Variants in CEP128 observed in about 807,000 individuals in gnomAD.
CEP128 encodes centrosomal protein 128kDa.
A neutral mutation model predicts 156.7 loss-of-function variants in CEP128; 132 were observed. The ratio of observed to expected loss-of-function variants is 0.84; its 90% CI spans 0.73 to 0.97. The LOEUF is 0.97. Ranked by LOEUF, CEP128 falls within the 50% of genes least tolerant of loss-of-function variation. The pLI, the probability that CEP128 is intolerant of heterozygous loss-of-function variation, is 0.00. For synonymous variants in CEP128, 469 were observed against 448.9 expected, an observed-to-expected ratio of 1.04 and a Z score of -0.57; for missense variants, 1,252 against 1,281.9, an observed-to-expected ratio of 0.98 and a Z score of 0.36.
chr14:80,781,042 G>A (rs1341120566), intron 15 of CEP128, among the ~76,000 whole-genome samples: 1 of 152,104 alleles, frequency 6.6e-6, no homozygotes, highest in Non-Finnish European at 1.5e-5. Flanking sequence ...TACAAAATTG[G>A]GCCTTAAAGG....
intron 19 of CEP128, among the ~76,000 whole-genome samples, chr14:80,589,129 C>T (rs1196512444): frequency 6.6e-6 from 1 of 151,952 alleles, no homozygotes; most frequent in Non-Finnish European, 1.5e-5. Flanking sequence ...GAAGCATGAG[C>T]CAAGGGATGA....
At chr14:80,632,265 T>A (rs918916052) in intron 19 of CEP128, among the ~76,000 whole-genome samples, 1 of 151,726 alleles carries the variant, frequency 6.6e-6, no homozygotes, top group South Asian at 2.1e-4. Flanking sequence ...TAGTATTGTA[T>A]ACATAGAATT....
At chr14:80,551,653 C>T (rs759031851) in intron 21 of CEP128, among the ~76,000 whole-genome samples, 41 of 152,256 alleles carry the variant, frequency 2.7e-4, no homozygotes, top group Non-Finnish European at 4.6e-4. Flanking sequence ...AATACTGCTG[C>T]CTTTAATGAT....
chr14:80,756,775 A>G (rs1263285095), intron 18 of CEP128, 117 bp downstream of exon 18: 1 of 669,534 alleles, frequency 1.5e-6, no homozygotes, highest in Non-Finnish European at 2.6e-6. Context: ...CTTCCCCTGC[A>G]ATTAAGCATT....
At chr14:80,691,366 A>G (rs1051168908) in intron 19 of CEP128, among the ~76,000 whole-genome samples, 2 of 152,152 alleles carry the variant, frequency 1.3e-5, no homozygotes, top group African/African-American at 4.8e-5. Context: ...AGAATGGGTA[A>G]TCCCAAATTT....
intron 19 of CEP128, among the ~76,000 whole-genome samples, chr14:80,657,144 G>T (rs1360386626): frequency 6.6e-6 from 1 of 151,984 alleles, no homozygotes; most frequent in African/African-American, 2.4e-5. Context: ...TGTAATCCCA[G>T]CTACTTGGGA....
intron 8 of CEP128, among the ~76,000 whole-genome samples, chr14:80,893,780 T>C (rs1215453362): frequency 6.6e-6 from 1 of 151,840 alleles, no homozygotes; most frequent in African/African-American, 2.4e-5. Flanking sequence ...CAACTAAATA[T>C]AAAGCAACAG....
At chr14:80,519,045 G>T (rs1026448916) in intron 23 of CEP128, among the ~76,000 whole-genome samples, 1 of 152,164 alleles carries the variant, frequency 6.6e-6, no homozygotes, top group African/African-American at 2.4e-5. Context: ...TGCACCAAAA[G>T]CTTAAGTATT....
chr14:80,652,701 G>A (rs988803278), intron 19 of CEP128, among the ~76,000 whole-genome samples: 3 of 152,184 alleles, frequency 2.0e-5, no homozygotes, highest in Non-Finnish European at 4.4e-5. Flanking sequence ...AGATGCTGGA[G>A]AGGATGTGGA....
At chr14:80,841,194 A>G (rs949160576) in intron 9 of CEP128, among the ~76,000 whole-genome samples, 1 of 152,162 alleles carries the variant, frequency 6.6e-6, no homozygotes, top group African/African-American at 2.4e-5. Flanking sequence ...GGGGAAAATT[A>G]TACTTGGAAC....
At position 80,511,048 on chromosome 14, in the gene CEP128, T is replaced by C. The variant is rs554750881; in HGVS notation, c.3073-6028A>G. 3.0e-5 allele frequency among the ~76,000 whole-genome samples: 3 copies of C among 99,054 alleles called. 1 individual carries two copies. The highest frequency in any genetic ancestry group is 8.6e-5 in the African/African-American group (3 of 34,972). 65.0% of individuals were successfully genotyped at this position (99,054 alleles called of 152,430 possible). On this transcript the variant is annotated intron_variant, in intron 23 of 24. Coordinates refer to ENST00000555265, the MANE Select transcript of CEP128 (RefSeq NM_152446.5). ...TCAATGTTCATCAGAGATATTGGCCTGTGGGTTTTTTTTTTCCTTTTTTTT... is the reference window on the plus strand; with the variant it reads ...TCAATGTTCATCAGAGATATTGGCCCGTGGGTTTTTTTTTTCCTTTTTTTT...
At chr14:80,816,251 C>CA (rs1884849160) in intron 13 of CEP128, among the ~76,000 whole-genome samples, 1 of 151,416 alleles carries the variant, frequency 6.6e-6, no homozygotes, top group Non-Finnish European at 1.5e-5. Flanking sequence ...CAGGCATAGT[C>CA]AAAAAGACAC....
At chr14:80,678,488 C>T (rs545595549) in intron 19 of CEP128, among the ~76,000 whole-genome samples, 1 of 152,136 alleles carries the variant, frequency 6.6e-6, no homozygotes, top group African/African-American at 2.4e-5. Context: ...GAAACAGCAA[C>T]GTAGTGCATA....
At chr14:80,503,710 T>A (rs1887842186) in intron 24 of CEP128, among the ~76,000 whole-genome samples, 1 of 152,068 alleles carries the variant, frequency 6.6e-6, no homozygotes, top group Admixed American at 6.6e-5. Flanking sequence ...AGAAAAAAAA[T>A]TTGGCCTATG....
At chr14:80,802,817 C>T (rs575969496) in intron 13 of CEP128, among the ~76,000 whole-genome samples, 1 of 152,234 alleles carries the variant, frequency 6.6e-6, no homozygotes, top group African/African-American at 2.4e-5. Flanking sequence ...AGACTTTATG[C>T]TAACACTAGG....
At chr14:80,545,240 C>T (rs1889931120) in intron 21 of CEP128, among the ~76,000 whole-genome samples, 1 of 152,078 alleles carries the variant, frequency 6.6e-6, no homozygotes, top group South Asian at 2.1e-4. Flanking sequence ...GAATCCATTG[C>T]ATGGAGTAGT....
chr14:80,669,748 T>C (rs1895764848), intron 19 of CEP128, among the ~76,000 whole-genome samples: 1 of 152,218 alleles, frequency 6.6e-6, no homozygotes, highest in Admixed American at 6.5e-5. Context: ...GGTATGGAGA[T>C]TTCTAAAAGA....
At chr14:80,846,736 A>G (rs1042577177) in intron 9 of CEP128, among the ~76,000 whole-genome samples, 3 of 152,152 alleles carry the variant, frequency 2.0e-5, no homozygotes. Context: ...ACATGACATA[A>G]ATGTTAATTA....
chr14:80,667,996 G>A (rs1895694395), intron 19 of CEP128, among the ~76,000 whole-genome samples: 1 of 152,094 alleles, frequency 6.6e-6, no homozygotes, highest in Admixed American at 6.5e-5. Context: ...AAACAACAGT[G>A]ATGCTGATGA....
Sources: allele counts gnomAD v4.1 joint callset (sites outside exome capture counted in the v4.1 genomes callset), GRCh38; gene constraint gnomAD v4.1.1; transcripts MANE v1.5; gene names NCBI Gene and HGNC (gene_info 2026-07-23, HGNC 2026-07-21).